The following FTO variants were observed in gnomAD, a reference collection of about 807,000 sequenced individuals.
FTO encodes alpha-ketoglutarate-dependent dioxygenase FTO.
Under a neutral mutation model 63.9 loss-of-function variants are expected in FTO, and 47 were observed. The ratio of observed to expected loss-of-function variants is 0.74; its 90% CI spans 0.58 to 0.94. The LOEUF (loss-of-function observed/expected upper bound fraction) is 0.94, where lower values mean the gene tolerates loss of function less well. Among genes scored for constraint, FTO ranks in the 40% least tolerant of loss-of-function variants. The probability of loss-of-function intolerance (pLI) is 0.00; values close to 1 mark genes in which losing one functional copy is unlikely to be tolerated. For synonymous variants in FTO, 207 were observed against 224.4 expected (o/e 0.92, Z 0.69); for missense variants, 562 against 618.1 (o/e 0.91, Z 0.96).
intron 1 of FTO, among the ~76,000 whole-genome samples, chr16:53,752,958 T>A: frequency 1.3e-5 from 2 of 151,082 alleles, no homozygotes. Flanking sequence ...GTTGAGGGCT[T>A]TAAAAAAAAA....
intron 8 of FTO, among the ~76,000 whole-genome samples, chr16:54,097,229 G>T (rs1335583039): frequency 6.6e-6 from 1 of 152,122 alleles, no homozygotes; most frequent in Non-Finnish European, 1.5e-5. Context: ...AGATCCTAGG[G>T]TAAAGTAGTG....
intron 8 of FTO, among the ~76,000 whole-genome samples, chr16:54,033,156 TATC>T (rs1312722862): frequency 2.0e-5 from 3 of 152,222 alleles, no homozygotes; most frequent in Non-Finnish European, 4.4e-5. Context: ...AAGGTTTTCT[TATC>T]ATCTTGGTTT....
At chr16:53,942,790 C>G (rs1034889632) in intron 8 of FTO, among the ~76,000 whole-genome samples, 5 of 152,314 alleles carry the variant, frequency 3.3e-5, no homozygotes, top group African/African-American at 1.2e-4. Context: ...CTGAGACAAC[C>G]TGTGATTGTG....
At chr16:54,064,858 G>T (rs2085681671) in intron 8 of FTO, among the ~76,000 whole-genome samples, 1 of 152,206 alleles carries the variant, frequency 6.6e-6, no homozygotes, top group South Asian at 2.1e-4. Flanking sequence ...TCAGTTGGCT[G>T]AAGGGAGCTC....
intron 8 of FTO, among the ~76,000 whole-genome samples, chr16:53,940,012 G>A (rs1275214909): frequency 2.6e-5 from 4 of 152,028 alleles, no homozygotes; most frequent in Non-Finnish European, 5.9e-5. Context: ...ATATACCTAG[G>A]AATGGAATTG....
intron 1 of FTO, among the ~76,000 whole-genome samples, chr16:53,755,455 C>T (rs1201575972): frequency 6.6e-6 from 1 of 152,150 alleles, no homozygotes; most frequent in Non-Finnish European, 1.5e-5. Flanking sequence ...ACAGGGAGTA[C>T]TTCAAACACT....
chr16:54,052,622 A>C (rs2085338245), intron 8 of FTO: 1 of 152,182 alleles, frequency 6.6e-6, no homozygotes, highest in Admixed American at 6.5e-5. Flanking sequence ...GGCTGAGTCC[A>C]TGTGGAGCAT....
At chr16:53,904,526 G>A (rs1312984283) in intron 7 of FTO, among the ~76,000 whole-genome samples, 4 of 152,192 alleles carry the variant, frequency 2.6e-5, no homozygotes, top group African/African-American at 7.2e-5. Flanking sequence ...ATCAGTCTGG[G>A]TGATGGGTGC....
intron 1 of FTO, among the ~76,000 whole-genome samples, chr16:53,741,645 G>C (rs1297775624): frequency 6.6e-5 from 10 of 152,174 alleles, no homozygotes; most frequent in Non-Finnish European, 1.0e-4. Flanking sequence ...TGAGGAACCA[G>C]GATCTTTCCA....
At chr16:54,079,658 G>A (rs555285572) in intron 8 of FTO, among the ~76,000 whole-genome samples, 6 of 152,254 alleles carry the variant, frequency 3.9e-5, no homozygotes, top group South Asian at 2.1e-4. Context: ...CCAATAGACC[G>A]AATAGGACCT....
intron 1 of FTO, among the ~76,000 whole-genome samples, chr16:53,765,557 CAAAA>C (rs11383210): frequency 8.3e-6 from 1 of 120,602 alleles, no homozygotes. Context: ...AACTCCGTCT[CAAAA>C]AAAAAAAAAA....
intron 7 of FTO, among the ~76,000 whole-genome samples, chr16:53,925,095 G>GA (rs369638549): frequency 8.3e-4 from 125 of 149,702 alleles, no homozygotes; most frequent in African/African-American, 3.0e-3. Flanking sequence ...AGGAAGGAGA[G>GA]AAAAAAAGTG....
intron 4 of FTO, among the ~76,000 whole-genome samples, chr16:53,871,467 G>T (rs934755638): frequency 1.1e-4 from 17 of 151,992 alleles, no homozygotes; most frequent in Non-Finnish European, 1.8e-4. Context: ...TTTTGTTTCA[G>T]ATACTGCATG....
intron 8 of FTO, among the ~76,000 whole-genome samples, chr16:53,974,159 G>A (rs148287561): frequency 1.5e-3 from 231 of 152,206 alleles, no homozygotes; most frequent in African/African-American, 4.9e-3. Flanking sequence ...GGATGATGCC[G>A]ACTTGCGGTG....
chr16:53,961,365 G>A (rs1265086675), intron 8 of FTO, among the ~76,000 whole-genome samples: 2 of 152,208 alleles, frequency 1.3e-5, no homozygotes, highest in African/African-American at 4.8e-5. Context: ...CAGTGCTGGA[G>A]ATAAAATGAA....
chr16:54,110,772 A>G (rs1392500557), intron 8 of FTO, among the ~76,000 whole-genome samples: 3 of 152,236 alleles, frequency 2.0e-5, no homozygotes, highest in African/African-American at 7.2e-5. Context: ...GGAGGGAGGC[A>G]CATGTGCAAT....
chr16:53,839,980 T>G (rs929871761), intron 3 of FTO, among the ~76,000 whole-genome samples: 5 of 151,882 alleles, frequency 3.3e-5, no homozygotes, highest in Admixed American at 3.3e-4. Context: ...AATTTTTGCA[T>G]TTTTAGTAGA....
At chr16:53,836,182 C>T (rs1254085947) in intron 3 of FTO, among the ~76,000 whole-genome samples, 3 of 152,162 alleles carry the variant, frequency 2.0e-5, no homozygotes, top group Non-Finnish European at 4.4e-5. Flanking sequence ...TGAGCCACTG[C>T]GCCTGGCCTG....
chr16:54,099,182 C>A (rs1405911750), intron 8 of FTO, among the ~76,000 whole-genome samples: 2 of 152,138 alleles, frequency 1.3e-5, no homozygotes, highest in African/African-American at 2.4e-5. Flanking sequence ...TCAAATTGGA[C>A]CTGCTGCCAT....
Sources: allele counts gnomAD v4.1 joint callset (sites outside exome capture counted in the v4.1 genomes callset), GRCh38; gene constraint gnomAD v4.1.1; transcripts MANE v1.5; gene names NCBI Gene and HGNC (gene_info 2026-07-23, HGNC 2026-07-21).